Variants in MAP3K20 observed in about 807,000 individuals in gnomAD.
The protein encoded by MAP3K20 is HCCS-4.
In MAP3K20, 40 loss-of-function variants were observed where a neutral mutation model predicts 85.7. That is an observed-to-expected ratio of 0.47 (90% confidence interval 0.36 to 0.61). MAP3K20 has a LOEUF of 0.61. Among genes scored for constraint, MAP3K20 ranks in the 20% least tolerant of loss-of-function variants. The pLI, the probability that MAP3K20 is intolerant of heterozygous loss-of-function variation, is 0.00. For synonymous variants in MAP3K20, 325 were observed against 327.7 expected, an observed-to-expected ratio of 0.99 and a Z score of 0.09; for missense variants, 817 against 961.7, an observed-to-expected ratio of 0.85 and a Z score of 1.99.
rs966053798 is a variant in MAP3K20 at position 173,229,804 on chromosome 2, G to A, written c.1032+71G>A. 1.9e-6 allele frequency: 3 copies of A among 1,547,066 alleles called. No homozygotes were observed. In the African/African-American group the frequency reaches 4.1e-5, roughly 21 times the overall value. On this transcript the variant is annotated intron_variant, in intron 12 of 19. Coordinates refer to ENST00000375213, the MANE Select transcript of MAP3K20 (RefSeq NM_016653.3). The stretch of plus-strand genomic sequence containing the variant: ...CATAAATTTTTCCCTAAGTTTTTAG[G>A]GGAAGAGATTGGGCCTTAGGAAAGT...
chr2:173,213,070 G>C (rs926686266), intron 10 of MAP3K20, among the ~76,000 whole-genome samples: 11 of 152,134 alleles, frequency 7.2e-5, no homozygotes, highest in African/African-American at 2.6e-4. Flanking sequence ...ATATTATTGT[G>C]TATATGTACA....
At chr2:173,115,226 T>A (rs771014901) in intron 2 of MAP3K20, among the ~76,000 whole-genome samples, 16 of 152,284 alleles carry the variant, frequency 1.1e-4, no homozygotes, top group Non-Finnish European at 7.4e-5. Flanking sequence ...CATTTCAAAT[T>A]TCTAAAAGTG....
At chr2:173,243,641 G>C (rs902030002) in intron 16 of MAP3K20, among the ~76,000 whole-genome samples, 1 of 152,124 alleles carries the variant, frequency 6.6e-6, no homozygotes, top group Non-Finnish European at 1.5e-5. Context: ...TTTTTGAGAC[G>C]GAATCTCGCT....
chr2:173,241,887 C>T (rs2106339538), intron 16 of MAP3K20, among the ~76,000 whole-genome samples: 1 of 152,182 alleles, frequency 6.6e-6, no homozygotes, highest in Admixed American at 6.5e-5. Context: ...TCTATTCATT[C>T]CTGTTGTTAG....
Position 173,091,047 on chromosome 2 carries a change from G to A in MAP3K20, c.16G>A (p.Ala6Thr). The change falls in exon 2 of 20, where the codon GCC becomes ACC. Residue 6 changes from alanine to threonine, a missense_variant. Ala to Thr is a moderately conservative substitution (Grantham distance 58). Coordinates refer to ENST00000375213, the MANE Select transcript of MAP3K20 (RefSeq NM_016653.3). MSSLGASFVQIKFDDL... is the reference protein window; with the variant it reads MSSLGTSFVQIKFDDL... ...TCATTATGAGATGTCGTCTCTCGGT[G>A]CCTCCTTTGTGCAAATTAAATTTGA... 6.2e-7 allele frequency: 1 copy of A among 1,613,048 alleles called. No homozygotes were observed. The highest frequency in any genetic ancestry group is 8.5e-7 in the Non-Finnish European group (1 of 1,179,632).
chr2:173,226,440 G>A (rs1684391130), intron 11 of MAP3K20: 1 of 985,368 alleles, frequency 1.0e-6, no homozygotes, highest in African/African-American at 1.7e-5. Context: ...GGCACCTTTT[G>A]CTGCTTTTGA....
intron 2 of MAP3K20, among the ~76,000 whole-genome samples, chr2:173,114,908 T>C (rs1246005685): frequency 1.3e-5 from 2 of 152,240 alleles, no homozygotes; most frequent in African/African-American, 4.8e-5. Context: ...TTGCAGTGAA[T>C]TTCCCAGATG....
At chr2:173,229,807 A>G in intron 12 of MAP3K20, 74 bp downstream of exon 12, 1 of 1,525,352 alleles carries the variant, frequency 6.6e-7, no homozygotes, top group South Asian at 1.1e-5. Flanking sequence ...TTTTTAGGGG[A>G]AGAGATTGGG....
intron 11 of MAP3K20, chr2:173,223,511 T>C: frequency 5.1e-6 from 5 of 985,400 alleles, no homozygotes; most frequent in Non-Finnish European, 6.0e-6. Flanking sequence ...TGGAAAGCTA[T>C]CAGTTTCAAA....
chr2:173,121,046 A>G (rs191331348), intron 2 of MAP3K20, among the ~76,000 whole-genome samples: 17 of 152,238 alleles, frequency 1.1e-4, no homozygotes, highest in Admixed American at 3.3e-4. Flanking sequence ...TACCAAATCC[A>G]TGTATTCTGT....
intron 7 of MAP3K20, among the ~76,000 whole-genome samples, chr2:173,197,453 T>C (rs991152867): frequency 2.6e-5 from 4 of 152,182 alleles, no homozygotes; most frequent in African/African-American, 9.6e-5. Context: ...ATAGATCCCT[T>C]AGACCGACTC....
intron 1 of MAP3K20, among the ~76,000 whole-genome samples, chr2:173,085,784 A>ATTTTTTTTTTTTTTTTTTTTTTTTTTTTT (rs61431056): frequency 1.4e-5 from 1 of 73,738 alleles, no homozygotes; most frequent in Non-Finnish European, 2.4e-5. Flanking sequence ...TGTAAAAGCA[A>ATTTTTTTTTTTTTTTTTTTTTTTTTTTTT]TTTTTTTTTT....
At chr2:173,265,833 A>T (rs1685406449) in intron 19 of MAP3K20, among the ~76,000 whole-genome samples, 1 of 152,208 alleles carries the variant, frequency 6.6e-6, no homozygotes, top group South Asian at 2.1e-4. Context: ...CCATGGAACA[A>T]TGCCAAGCAC....
At chr2:173,206,813 G>C (rs1365998397) in intron 9 of MAP3K20, among the ~76,000 whole-genome samples, 2 of 152,146 alleles carry the variant, frequency 1.3e-5, no homozygotes, top group Admixed American at 1.3e-4. Context: ...GCCTGAAGTA[G>C]CCAGACCACA....
At chr2:173,090,569 GAAGT>G in intron 1 of MAP3K20, 1 of 967,722 alleles carries the variant, frequency 1.0e-6, no homozygotes, top group Non-Finnish European at 1.2e-6. Context: ...TATTTTGTGT[GAAGT>G]GAGTGCAGCG....
chr2:173,266,812 G>A lies in MAP3K20; in HGVS notation c.*62G>A. On this transcript the variant is annotated 3_prime_UTR_variant, in exon 20 of 20. Coordinates refer to ENST00000375213, the MANE Select transcript of MAP3K20 (RefSeq NM_016653.3). ...AAAAAAAAAAAAAAGAAATGTAATG[G>A]TTTTTGATAATATGATCCCTTCAGA... The A allele has an allele frequency of 7.7e-7, 1 of 1,306,810 alleles. No homozygotes were observed. The highest frequency in any genetic ancestry group is 1.0e-6 in the Non-Finnish European group (1 of 985,514). The allele number at this position is 1,306,810 out of a possible 1,614,324, so 81.0% of individuals were successfully genotyped here. A position where few individuals can be genotyped will look rare whatever the true frequency, so the allele number is the denominator to read the frequency against.
intron 3 of MAP3K20, among the ~76,000 whole-genome samples, chr2:173,180,202 C>T (rs1690284393): frequency 6.6e-6 from 1 of 152,180 alleles, no homozygotes; most frequent in East Asian, 1.9e-4. Context: ...TAGACTGCCT[C>T]ATTTCAAAAC....
chr2:173,138,239 G>C (rs973790067), intron 2 of MAP3K20, among the ~76,000 whole-genome samples: 5 of 152,320 alleles, frequency 3.3e-5, no homozygotes, highest in African/African-American at 1.2e-4. Flanking sequence ...AAAGTGCTGG[G>C]ATTATAGGCG....
rs1456609324 is a variant in MAP3K20, at chr2:173,263,841, A to G, written c.1648A>G (p.Ile550Val). The change falls in exon 19 of 20, where the codon ATT becomes GTT. Residue 550 changes from isoleucine (I) to valine (V), a missense_variant. Physicochemically the swap from Ile to Val is conservative, Grantham distance 29 (BLOSUM62 3). Around this residue, in one of 4 missense-constraint regions of MAP3K20, gnomAD observed 454 missense variants for 476.9 expected, o/e 0.95. Coordinates refer to ENST00000375213, the MANE Select transcript of MAP3K20 (RefSeq NM_016653.3). ...QDEVKAVQLAIQTLFTNSDGN... is the reference protein window; with the variant it reads ...QDEVKAVQLAVQTLFTNSDGN... ...TGAAGTGAAAGCAGTCCAACTTGCCATTCAGACATTATTCACCAATTCAGA... is the reference window on the plus strand; with the variant it reads ...TGAAGTGAAAGCAGTCCAACTTGCCGTTCAGACATTATTCACCAATTCAGA... 3.1e-6 allele frequency: 5 copies of G among 1,613,644 alleles called. 1 individual carries two copies. In the Admixed American group the frequency reaches 8.4e-5, roughly 27 times the overall value.
Sources: gnomAD v4.1 joint callset for allele counts (sites outside exome capture counted in the v4.1 genomes callset) on GRCh38, gnomAD v4.1.1 for gene constraint, gnomAD v4.1.1 regional missense constraint, MANE v1.5 for transcripts, NCBI Gene and HGNC (gene_info 2026-07-23, HGNC 2026-07-21) for gene names.